Variants in FAM227A observed in about 807,000 individuals in gnomAD.
The protein encoded by FAM227A is family with sequence similarity 227 member A.
A neutral mutation model predicts 74.7 loss-of-function variants in FAM227A; 80 were observed. The ratio of observed to expected loss-of-function variants is 1.07; its 90% CI spans 0.89 to 1.29. The LOEUF is 1.29. FAM227A is among the 50% of genes most tolerant of loss of function. The pLI is 0.00. For missense variants in FAM227A, 654 were observed against 683.4 expected (o/e 0.96, Z 0.48); for synonymous variants, 237 against 241.8 (o/e 0.98, Z 0.19).
intron 3 of FAM227A, among the ~76,000 whole-genome samples, chr22:38,642,935 CA>C (rs940359311): frequency 1.3e-5 from 2 of 151,190 alleles, no homozygotes; most frequent in African/African-American, 4.9e-5. Flanking sequence ...GACTCCGTCT[CA>C]AAAAAACAAA....
intron 6 of FAM227A, among the ~76,000 whole-genome samples, chr22:38,630,573 GA>G (rs1438499706): frequency 6.6e-6 from 1 of 152,204 alleles, no homozygotes. Context: ...TTAGGGCTTA[GA>G]ACACTGCCAG....
At chr22:38,643,076 A>G (rs2092149727) in intron 3 of FAM227A, among the ~76,000 whole-genome samples, 2 of 152,160 alleles carry the variant, frequency 1.3e-5, no homozygotes, top group African/African-American at 4.8e-5. Context: ...GCACTTTGGG[A>G]GGCCGAGGCG....
At chr22:38,586,673 T>A (rs1387798720) in intron 16 of FAM227A, among the ~76,000 whole-genome samples, 2 of 152,170 alleles carry the variant, frequency 1.3e-5, no homozygotes, top group African/African-American at 2.4e-5. Context: ...ACATTTATTT[T>A]TTTCTTTCTT....
chr22:38,596,282 C>T (rs575166079), intron 15 of FAM227A, among the ~76,000 whole-genome samples: 30 of 152,334 alleles, frequency 2.0e-4, no homozygotes, highest in South Asian at 1.7e-3. Flanking sequence ...GATCACACCA[C>T]TGCACTCCAG....
At chr22:38,631,501 T>A (rs759799525) in intron 6 of FAM227A, among the ~76,000 whole-genome samples, 53 of 152,278 alleles carry the variant, frequency 3.5e-4, no homozygotes, top group Middle Eastern at 3.4e-3. Flanking sequence ...AATATACTCA[T>A]GTCACACACA....
intron 13 of FAM227A, among the ~76,000 whole-genome samples, chr22:38,601,616 T>C (rs933672789): frequency 1.3e-5 from 2 of 152,020 alleles, no homozygotes; most frequent in Non-Finnish European, 1.5e-5. Flanking sequence ...AGGGTAAGAA[T>C]GGGTGCAGAA....
intron 9 of FAM227A, among the ~76,000 whole-genome samples, chr22:38,625,867 T>C (rs901700975): frequency 2.1e-5 from 3 of 142,900 alleles, no homozygotes; most frequent in South Asian, 2.2e-4. Flanking sequence ...CACTTGAACC[T>C]GGGAGGCGGA....
rs189194437 is a variant in FAM227A, at chr22:38,592,189, C to T, written c.1533-649G>A. On this transcript the variant is annotated intron_variant, in intron 15 of 16. Coordinates refer to ENST00000535113, the MANE Select transcript of FAM227A (RefSeq NM_001013647.2). The stretch of plus-strand genomic sequence containing the variant: ...GTCTCGATTTCCTGACCTCATGATC[C>T]GCCCACCTCGGCCTCCCCAAGTGCT... Among the ~76,000 whole-genome samples the T allele has an allele frequency of 4.6e-5, 7 of 152,090 alleles. No individual in the cohort carries two copies. In the East Asian group the frequency reaches 7.7e-4, roughly 17 times the overall value.
intron 13 of FAM227A, among the ~76,000 whole-genome samples, chr22:38,602,139 G>A (rs533013968): frequency 6.6e-6 from 1 of 152,206 alleles, no homozygotes; most frequent in Non-Finnish European, 1.5e-5. Context: ...TAATGGGATA[G>A]GGTTGCATTT....
At chr22:38,612,401 T>C (rs1358744245) in intron 11 of FAM227A, among the ~76,000 whole-genome samples, 1 of 151,960 alleles carries the variant, frequency 6.6e-6, no homozygotes, top group African/African-American at 2.4e-5. Context: ...ACTCGAGCTC[T>C]TTTTTTTCGC....
chr22:38,586,334 T>G (rs2090808246), intron 16 of FAM227A, 135 bp from the exon 17 acceptor site: 1 of 990,556 alleles, frequency 1.0e-6, no homozygotes. Context: ...TGCTCCTGCC[T>G]CCAGAGAAAG....
chr22:38,640,771 G>C (rs527310226), intron 3 of FAM227A, among the ~76,000 whole-genome samples: 2 of 152,158 alleles, frequency 1.3e-5, no homozygotes, highest in Non-Finnish European at 2.9e-5. Context: ...AGGTGGACAT[G>C]AGTGTTGGTG....
intron 11 of FAM227A, among the ~76,000 whole-genome samples, chr22:38,619,658 A>G (rs1255027180): frequency 1.3e-5 from 2 of 152,060 alleles, no homozygotes; most frequent in Non-Finnish European, 2.9e-5. Context: ...GGGATAGGAT[A>G]GGGTCAGGTG....
intron 11 of FAM227A, among the ~76,000 whole-genome samples, chr22:38,614,065 C>G (rs997679141): frequency 1.3e-5 from 2 of 152,106 alleles, no homozygotes; most frequent in African/African-American, 4.8e-5. Context: ...AGGGTTTCAC[C>G]ATGTTGGCCA....
Position 38,639,683 on chromosome 22 carries a change from C to T in FAM227A, c.267G>A (p.Glu89=), listed in dbSNP as rs766402985. ...TGTCTTCTGGACTGCTGCGAGTTTT[C>T]TCTCTTAAAGCCTTCTTCTCCAACT... is the stretch of plus-strand genomic sequence containing the variant. ...RFELEKKALR[E]KTRSSPEDKV... Residue 89 remains glutamate, a synonymous_variant, in exon 4 of 17, where the codon GAG becomes GAA. Coordinates refer to ENST00000535113, the MANE Select transcript of FAM227A (RefSeq NM_001013647.2). The T allele has an allele frequency of 1.5e-5, 23 of 1,551,842 alleles. No individual in the cohort carries two copies. The East Asian group carries it at 5.4e-4, about 36-fold the overall frequency.
intron 13 of FAM227A, 54 bp downstream of exon 13, chr22:38,605,200 C>G: frequency 9.9e-7 from 1 of 1,008,354 alleles, no homozygotes; most frequent in Admixed American, 2.0e-5. Flanking sequence ...CTTACCACAC[C>G]TCTCACCCCC....
At position 38,591,428 on chromosome 22, in the gene FAM227A, GA is replaced by G; in HGVS notation, c.1638+6del. The G allele has an allele frequency of 6.4e-7, 1 of 1,550,952 alleles. No homozygotes were observed. The highest frequency in any genetic ancestry group is 1.4e-5 in the African/African-American group (1 of 73,114). On this transcript the variant is annotated splice_donor_region_variant and intron_variant, in intron 16 of 16. Coordinates refer to ENST00000535113, the MANE Select transcript of FAM227A (RefSeq NM_001013647.2). ...CCCTTAAACTCAATTTCTCTTTGGAGACTTCCCTTAGTTTTCTTGTCAGGTG... is the reference window on the plus strand; with the variant it reads ...CCCTTAAACTCAATTTCTCTTTGGAGCTTCCCTTAGTTTTCTTGTCAGGTG...
At chr22:38,598,813 C>T (rs1348628405) in intron 14 of FAM227A, among the ~76,000 whole-genome samples, 5 of 152,118 alleles carry the variant, frequency 3.3e-5, no homozygotes, top group South Asian at 4.1e-4. Flanking sequence ...TCAAATCACT[C>T]GGTTTGCAGT....
At chr22:38,625,406 AAG>A (rs890127476) in intron 9 of FAM227A, among the ~76,000 whole-genome samples, 17 of 151,480 alleles carry the variant, frequency 1.1e-4, no homozygotes, top group African/African-American at 3.9e-4. Flanking sequence ...AAAAAAAAGA[AAG>A]AAAGAAAAAG....
Sources: allele counts gnomAD v4.1 joint callset (sites outside exome capture counted in the v4.1 genomes callset), GRCh38; gene constraint gnomAD v4.1.1; transcripts MANE v1.5; gene names NCBI Gene and HGNC (gene_info 2026-07-23, HGNC 2026-07-21).